The following CD200R1 variants were observed in gnomAD, a reference collection of about 807,000 sequenced individuals.
CD200R1 encodes CD200 receptor 1, also known as cell surface glycoprotein CD200 receptor 1.
In CD200R1, 30 loss-of-function variants were observed where a neutral mutation model predicts 38.1. The ratio of observed to expected loss-of-function variants is 0.79; its 90% CI spans 0.59 to 1.07. CD200R1 has a LOEUF of 1.07. CD200R1 is among the 50% of genes least tolerant of loss of function. The probability of loss-of-function intolerance (pLI) is 0.00; values close to 1 mark genes in which losing one functional copy is unlikely to be tolerated. For synonymous variants in CD200R1, 128 were observed against 152.1 expected (o/e 0.84, Z 1.16); for missense variants, 372 against 415.4 (o/e 0.90, Z 0.91).
intron 1 of CD200R1, among the ~76,000 whole-genome samples, chr3:112,959,608 A>C (rs1239751687): frequency 6.6e-6 from 1 of 152,158 alleles, no homozygotes; most frequent in African/African-American, 2.4e-5. Flanking sequence ...ATAAATATAC[A>C]TTGAAATCTA....
At chr3:112,949,233 G>A (rs906584281) in intron 1 of CD200R1, among the ~76,000 whole-genome samples, 1 of 152,208 alleles carries the variant, frequency 6.6e-6, no homozygotes, top group Non-Finnish European at 1.5e-5. Context: ...ACTGTGCAAG[G>A]CACAAAGCTC....
At chr3:112,926,954 T>TC (rs1007719696) in intron 5 of CD200R1, among the ~76,000 whole-genome samples, 65 of 152,206 alleles carry the variant, frequency 4.3e-4, no homozygotes, top group African/African-American at 1.5e-3. Flanking sequence ...GTAGGAAGCA[T>TC]CAAATATAGA....
chr3:112,930,719 T>C (rs1248438668), intron 3 of CD200R1, among the ~76,000 whole-genome samples: 1 of 152,262 alleles, frequency 6.6e-6, no homozygotes, highest in Non-Finnish European at 1.5e-5. Flanking sequence ...TGCTAAACCC[T>C]GCATTTAACA....
chr3:112,967,767 C>T (rs1933204498), intron 1 of CD200R1, among the ~76,000 whole-genome samples: 1 of 152,212 alleles, frequency 6.6e-6, no homozygotes, highest in Non-Finnish European at 1.5e-5. Flanking sequence ...TGTATCACAT[C>T]TAAAAGACAT....
intron 3 of CD200R1, 72 bp from the exon 4 acceptor site, chr3:112,929,579 T>C (rs1940377058): frequency 7.5e-7 from 1 of 1,338,766 alleles, no homozygotes; most frequent in Admixed American, 2.2e-5. Context: ...ATCCACAACA[T>C]ATGAAGTTAC....
chr3:112,964,125 C>A (rs1210856648), intron 1 of CD200R1, among the ~76,000 whole-genome samples: 1 of 152,186 alleles, frequency 6.6e-6, no homozygotes, highest in Non-Finnish European at 1.5e-5. Flanking sequence ...ACAGTAATAC[C>A]TGGATGTCCA....
At chr3:112,969,727 C>T (rs1933254923) in intron 1 of CD200R1, among the ~76,000 whole-genome samples, 1 of 152,176 alleles carries the variant, frequency 6.6e-6, no homozygotes, top group Non-Finnish European at 1.5e-5. Context: ...GTGAGGGTGT[C>T]AGTTGGTTGA....
Position 112,922,392 on chromosome 3 carries a change from T to C in CD200R1, c.*1285A>G, listed in dbSNP as rs1243904317. On this transcript the variant is annotated 3_prime_UTR_variant, in exon 8 of 8. Transcript: ENST00000308611. ...GCCAATATTTTGCTCCACAAAAATA[T>C]GGAGGGGAGGGTCATGCCATCCCAT... is the stretch of plus-strand genomic sequence containing the variant. The C allele has an allele frequency of 6.6e-6, 1 of 151,978 alleles. No homozygotes were observed. The highest frequency in any genetic ancestry group is 1.9e-4 in the East Asian group (1 of 5,182). 9.4% of individuals were successfully genotyped at this position (151,978 alleles called of 1,614,324 possible).
At chr3:112,954,122 G>GT (rs1390469604) in intron 1 of CD200R1, among the ~76,000 whole-genome samples, 1 of 151,914 alleles carries the variant, frequency 6.6e-6, no homozygotes, top group Admixed American at 6.6e-5. Flanking sequence ...TTAGTATGTT[G>GT]TATTTCCATT....
At chr3:112,942,102 G>A (rs1286021279) in intron 2 of CD200R1, among the ~76,000 whole-genome samples, 1 of 151,626 alleles carries the variant, frequency 6.6e-6, no homozygotes. Context: ...TTTTTTTAGA[G>A]AGAAGTAAAA....
At chr3:112,971,927 T>C (rs1036389270) in intron 1 of CD200R1, among the ~76,000 whole-genome samples, 1 of 152,122 alleles carries the variant, frequency 6.6e-6, no homozygotes, top group Non-Finnish European at 1.5e-5. Flanking sequence ...CCCATCTCCA[T>C]AAAATCCTCC....
At chr3:112,933,663 CAGA>C (rs199520754) in intron 2 of CD200R1, among the ~76,000 whole-genome samples, 3,262 of 151,822 alleles carry the variant, frequency 0.021, 40 homozygotes, top group South Asian at 0.048. Flanking sequence ...TATGAAATGC[CAGA>C]AGAAGAATTC....
chr3:112,958,847 C>T (rs192261777), intron 1 of CD200R1, among the ~76,000 whole-genome samples: 63 of 152,176 alleles, frequency 4.1e-4, no homozygotes, highest in African/African-American at 1.4e-3. Context: ...TTACTACTAG[C>T]GAAACCTCTT....
rs1325555241 is a variant in CD200R1, at chr3:112,922,562, A to C, written c.*1115T>G. ...AGAATGTACACCATAAAAATACACA[A>C]TTCCAATGTAGCACATCTGCAAAAC... On this transcript the variant is annotated 3_prime_UTR_variant, in exon 8 of 8. Transcript: ENST00000308611. 1 of 152,010 alleles carries C rather than the reference A, an allele frequency of 6.6e-6. No individual in the cohort carries two copies. Among genetic ancestry groups the C allele is most frequent in the Non-Finnish European group, 1.5e-5 (1 of 67,918 alleles). 9.4% of individuals were successfully genotyped at this position (152,010 alleles called of 1,614,324 possible). A position where few individuals can be genotyped will look rare whatever the true frequency, so the allele number is the denominator to read the frequency against.
chr3:112,945,534 C>T (rs1940829158), intron 2 of CD200R1, among the ~76,000 whole-genome samples: 1 of 152,180 alleles, frequency 6.6e-6, no homozygotes. Flanking sequence ...ACAGACCTCA[C>T]ACCTTTCACA....
At chr3:112,959,088 TA>T (rs1380186137) in intron 1 of CD200R1, among the ~76,000 whole-genome samples, 1 of 151,948 alleles carries the variant, frequency 6.6e-6, no homozygotes, top group Non-Finnish European at 1.5e-5. Context: ...CTCTACTCTC[TA>T]AAAAAAACTT....
rs751710037 is a variant in CD200R1, at chr3:112,924,506, G to C, written c.908C>G (p.Thr303Ser). 16 of 1,307,586 alleles carry C rather than the reference G, an allele frequency of 1.2e-5. No homozygotes were observed. Among genetic ancestry groups the C allele is most frequent in the Admixed American group, 8.6e-5 (3 of 34,720 alleles). The allele number at this position is 1,307,586 out of a possible 1,614,324, so 81.0% of individuals were successfully genotyped here. The change falls in exon 7 of 8, where the codon ACT becomes AGT. Residue 303 changes from threonine to serine, a missense_variant. Thr to Ser is a moderately conservative substitution (Grantham distance 58). Transcript: ENST00000308611. ...TTATCTTACCTCCTCAACAACTGGA[G>C]TAGATTCTGTTTTATTCAATTTATA... The part of the protein sequence containing the change: ...RKYKLNKTES[T>S]PVVEEDEMQP...
intron 5 of CD200R1, among the ~76,000 whole-genome samples, chr3:112,926,375 G>A (rs1048301275): frequency 1.3e-5 from 2 of 152,078 alleles, no homozygotes; most frequent in South Asian, 2.1e-4. Flanking sequence ...TTCTCCATAT[G>A]TTATATGAAA....
chr3:112,946,260 TACATCCTGTGGACTCAA>T (rs1940857910), intron 2 of CD200R1, among the ~76,000 whole-genome samples: 1 of 152,206 alleles, frequency 6.6e-6, no homozygotes, highest in Non-Finnish European at 1.5e-5. Flanking sequence ...TGTATATCAC[TACATCCTGTGGACTCAA>T]TGTAGTAAGG....
Sources: allele counts gnomAD v4.1 joint callset (sites outside exome capture counted in the v4.1 genomes callset), GRCh38; gene constraint gnomAD v4.1.1; transcripts MANE v1.5; gene names NCBI Gene and HGNC (gene_info 2026-07-23, HGNC 2026-07-21).